ANKAR: variants seen among roughly 807,000 people sequenced by gnomAD.
ANKAR encodes ankyrin and armadillo repeat containing.
ANKAR carries 136 observed loss-of-function variants against 146.2 expected under a neutral mutation model. That is an observed-to-expected ratio of 0.93 (90% CI 0.81 to 1.07). The LOEUF (loss-of-function observed/expected upper bound fraction) is 1.07, where lower values mean the gene tolerates loss of function less well. ANKAR is among the 50% of genes least tolerant of loss of function. The probability of loss-of-function intolerance (pLI) is 0.00; values close to 1 mark genes in which losing one functional copy is unlikely to be tolerated. For missense variants in ANKAR, 1,567 were observed against 1,679.9 expected (o/e 0.93, Z 1.18); for synonymous variants, 500 against 575.8 (o/e 0.87, Z 1.88).
At chr2:189,740,466 A>G (rs1009885159) in intron 19 of ANKAR, among the ~76,000 whole-genome samples, 3 of 152,232 alleles carry the variant, frequency 2.0e-5, no homozygotes, top group Non-Finnish European at 2.9e-5. Flanking sequence ...CATACTCCAC[A>G]CAGAAATATG....
At chr2:189,760,769 G>T (rs2046929093) in intron 18 of ANKAR, among the ~76,000 whole-genome samples, 1 of 151,452 alleles carries the variant, frequency 6.6e-6, no homozygotes, top group Non-Finnish European at 1.5e-5. Context: ...CCAGCCTGGT[G>T]ACAGAGTGAG....
intron 22 of ANKAR, 38 bp downstream of exon 22, chr2:189,744,826 G>T: frequency 7.0e-7 from 1 of 1,435,740 alleles, no homozygotes; most frequent in Non-Finnish European, 9.7e-7. Context: ...GTACCTTCTA[G>T]CCCAGACACT....
chr2:189,728,333 AAAC>A lies in ANKAR; in HGVS notation c.2950_2952del (p.Gln984del). ...TTGGGCCTTGGCAGGACAAACACTA[AAAC>A]AACAAAAATATATGGCAGAACAAAT... On this transcript the variant is annotated inframe_deletion, in exon 14 of 23. Transcript: ENST00000684021. 8 of 1,613,536 alleles carry A rather than the reference AAAC, an allele frequency of 5.0e-6. No homozygotes were observed. The highest frequency in any genetic ancestry group is 6.8e-6 in the Non-Finnish European group (8 of 1,179,836).
intron 12 of ANKAR, among the ~76,000 whole-genome samples, chr2:189,727,394 G>C (rs1225354240): frequency 6.6e-6 from 1 of 151,684 alleles, no homozygotes; most frequent in African/African-American, 2.4e-5. Flanking sequence ...AATTAGCCGG[G>C]TGTGGTGGTG....
intron 18 of ANKAR, chr2:189,755,127 A>G (rs747536646): frequency 8.2e-6 from 13 of 1,577,152 alleles, no homozygotes; most frequent in Admixed American, 2.1e-5. Context: ...CTTAGTTGAA[A>G]TGGACAACAT....
intron 12 of ANKAR, among the ~76,000 whole-genome samples, chr2:189,721,080 C>T (rs1052233802): frequency 3.3e-5 from 5 of 152,122 alleles, no homozygotes; most frequent in African/African-American, 1.2e-4. Context: ...CTCCGCCTCC[C>T]GGGTTCAAGA....
chr2:189,688,728 A>T (rs2035968333), intron 2 of ANKAR, among the ~76,000 whole-genome samples: 1 of 152,242 alleles, frequency 6.6e-6, no homozygotes, highest in Non-Finnish European at 1.5e-5. Flanking sequence ...TTGAACAAAC[A>T]TGCACGTTAC....
intron 1 of ANKAR, among the ~76,000 whole-genome samples, chr2:189,675,808 G>T (rs916603942): frequency 4.6e-5 from 7 of 152,134 alleles, no homozygotes; most frequent in Non-Finnish European, 1.0e-4. Flanking sequence ...TTGGATTATG[G>T]GGGTGGATCC....
rs780528534 is a variant in ANKAR at position 189,737,884 on chromosome 2, T to C, written c.3582+43T>C. On this transcript the variant is annotated intron_variant, in intron 18 of 22. Transcript: ENST00000684021. ...ACACCTCAAATTAATAAATATGTCA[T>C]TTTGTGAAAACTTGAAAATTACAAC... The C allele has an allele frequency of 1.4e-4, 207 of 1,474,494 alleles. 1 individual carries two copies. The highest frequency in any genetic ancestry group is 3.1e-5 in the Non-Finnish European group (35 of 1,119,056). 91.3% of individuals were successfully genotyped at this position (1,474,494 alleles called of 1,614,324 possible).
intron 4 of ANKAR, 139 bp from the exon 5 acceptor site, chr2:189,692,935 A>C: frequency 2.1e-6 from 1 of 472,420 alleles, no homozygotes; most frequent in Non-Finnish European, 3.8e-6. Context: ...GATTAGATAT[A>C]TTCAGCTGCT....
chr2:189,718,229 G>GT (rs1302796412), intron 10 of ANKAR, among the ~76,000 whole-genome samples: 4 of 152,162 alleles, frequency 2.6e-5, no homozygotes, highest in African/African-American at 9.7e-5. Flanking sequence ...AAGGCAGGAG[G>GT]ATAGCTTGAG....
intron 2 of ANKAR, among the ~76,000 whole-genome samples, chr2:189,679,581 A>G (rs1290259855): frequency 6.6e-6 from 1 of 152,168 alleles, no homozygotes; most frequent in Non-Finnish European, 1.5e-5. Flanking sequence ...CCTGTTCAGT[A>G]TAATGTTGGC....
rs759947609 is a variant in ANKAR, at chr2:189,752,976, C to A, written c.*585-8122C>A. 1.2e-5 allele frequency: 19 copies of A among 1,606,930 alleles called. No individual in the cohort carries two copies. In the South Asian group the frequency reaches 1.9e-4, roughly 16 times the overall value. Reference sequence around the variant, plus strand: ...AAGTTACTTGCGACACCACCAGATGCAACCTGAAGGAATTGAGAAAACCAA... The same window carrying A: ...AAGTTACTTGCGACACCACCAGATGAAACCTGAAGGAATTGAGAAAACCAA... On this transcript the variant is annotated intron_variant and NMD_transcript_variant, in intron 18 of 18. Transcript: ENST00000441800.
At chr2:189,732,659 TAAAAA>T (rs10707585) in intron 16 of ANKAR, among the ~76,000 whole-genome samples, 19 of 50,386 alleles carry the variant, frequency 3.8e-4, no homozygotes, top group African/African-American at 8.3e-4. Context: ...AGACTCCATC[TAAAAA>T]AAAAAAAAAA....
intron 20 of ANKAR, among the ~76,000 whole-genome samples, chr2:189,742,799 A>C (rs1468307093): frequency 6.6e-6 from 1 of 150,562 alleles, no homozygotes; most frequent in Non-Finnish European, 1.5e-5. Flanking sequence ...GTTCAAACTC[A>C]AGTTCTTTCT....
chr2:189,737,168 T>G (rs755423642), intron 17 of ANKAR, among the ~76,000 whole-genome samples: 1 of 151,496 alleles, frequency 6.6e-6, no homozygotes, highest in Non-Finnish European at 1.5e-5. Context: ...AACATACTAA[T>G]AATACAATAT....
chr2:189,738,773 T>C, intron 19 of ANKAR, 91 bp downstream of exon 19: 1 of 742,694 alleles, frequency 1.3e-6, no homozygotes, highest in Non-Finnish European at 2.1e-6. Flanking sequence ...ATAATACGCC[T>C]GATACACTGC....
At chr2:189,733,709 A>G (rs1467605538) in intron 17 of ANKAR, among the ~76,000 whole-genome samples, 1 of 152,176 alleles carries the variant, frequency 6.6e-6, no homozygotes, top group African/African-American at 2.4e-5. Flanking sequence ...CCAAATGTCA[A>G]CTAGAACATT....
intron 12 of ANKAR, among the ~76,000 whole-genome samples, chr2:189,724,654 T>C (rs2041662771): frequency 1.3e-5 from 2 of 152,152 alleles, no homozygotes; most frequent in African/African-American, 4.8e-5. Flanking sequence ...ATAGTTAATA[T>C]TTTTGACATA....
Sources: allele counts gnomAD v4.1 joint callset (sites outside exome capture counted in the v4.1 genomes callset), GRCh38; gene constraint gnomAD v4.1.1; transcripts MANE v1.5; gene names NCBI Gene and HGNC (gene_info 2026-07-23, HGNC 2026-07-21).